The following PRDM16 variants were observed in gnomAD, a reference collection of about 807,000 sequenced individuals.
The protein encoded by PRDM16 is histone-lysine N-methyltransferase PRDM16.
A neutral mutation model predicts 110.6 loss-of-function variants in PRDM16; 23 were observed. The observed-to-expected ratio is 0.21, with a 90% CI of 0.15 to 0.29. PRDM16 has a LOEUF of 0.29. Among genes scored for constraint, PRDM16 ranks in the 10% least tolerant of loss-of-function variants. PRDM16 has a pLI of 1.00. For synonymous variants in PRDM16, 799 were observed against 781.8 expected (o/e 1.02, Z -0.37); for missense variants, 1,615 against 1,794.3 (o/e 0.90, Z 1.81).
chr1:3,140,610 C>T (rs1236316325), intron 1 of PRDM16, among the ~76,000 whole-genome samples: 4 of 152,216 alleles, frequency 2.6e-5, no homozygotes, highest in African/African-American at 4.8e-5. Flanking sequence ...TCTTTTGCAG[C>T]GATATTTTAC....
chr1:3,286,520 C>T (rs971831067), intron 3 of PRDM16, among the ~76,000 whole-genome samples: 5 of 152,140 alleles, frequency 3.3e-5, no homozygotes, highest in African/African-American at 1.2e-4. Flanking sequence ...ACCAACTGGA[C>T]CCAACCGAGC....
intron 3 of PRDM16, among the ~76,000 whole-genome samples, chr1:3,371,313 A>G (rs1213595157): frequency 2.0e-5 from 3 of 150,476 alleles, no homozygotes; most frequent in Non-Finnish European, 4.4e-5. Flanking sequence ...CCATCCATGC[A>G]TCCATTGAAT....
intron 2 of PRDM16, among the ~76,000 whole-genome samples, chr1:3,216,912 C>T (rs1639042727): frequency 6.6e-6 from 1 of 152,234 alleles, no homozygotes; most frequent in African/African-American, 2.4e-5. Flanking sequence ...GGCTCCTGGT[C>T]CCTCCCTGGG....
chr1:3,331,809 C>T (rs915766506), intron 3 of PRDM16, among the ~76,000 whole-genome samples: 2 of 152,186 alleles, frequency 1.3e-5, no homozygotes. Flanking sequence ...GCTCCCCGCT[C>T]GGGTGGAATG....
At chr1:3,200,583 C>T (rs527626471) in intron 2 of PRDM16, among the ~76,000 whole-genome samples, 1 of 152,340 alleles carries the variant, frequency 6.6e-6, no homozygotes, top group South Asian at 2.1e-4. Context: ...ACCCTGTGAT[C>T]TGCCCGCCTC....
chr1:3,427,215 G>A (rs1017167893), intron 14 of PRDM16, among the ~76,000 whole-genome samples: 2 of 152,214 alleles, frequency 1.3e-5, no homozygotes, highest in Non-Finnish European at 2.9e-5. Flanking sequence ...ACTTACTCTG[G>A]GGGAGCCTTC....
intron 2 of PRDM16, among the ~76,000 whole-genome samples, chr1:3,232,030 G>T (rs1455974117): frequency 6.6e-6 from 1 of 152,188 alleles, no homozygotes; most frequent in Non-Finnish European, 1.5e-5. Context: ...GTTTGGTGAC[G>T]CTCTGCCTCC....
intron 5 of PRDM16, among the ~76,000 whole-genome samples, chr1:3,399,649 T>C (rs374056587): frequency 1.3e-5 from 2 of 152,156 alleles, no homozygotes; most frequent in Admixed American, 1.3e-4. Flanking sequence ...TCCAAGGCCA[T>C]TGGAGTGAGA....
intron 14 of PRDM16, among the ~76,000 whole-genome samples, chr1:3,428,385 T>C (rs1259760873): frequency 1.3e-5 from 2 of 152,136 alleles, no homozygotes; most frequent in African/African-American, 4.8e-5. Context: ...GGCCTCCCCC[T>C]CGCCTATGGC....
Position 3,290,645 on chromosome 1 carries a change from G to A in PRDM16, c.438+46508G>A, listed in dbSNP as rs540873501. 5.3e-5 allele frequency among the ~76,000 whole-genome samples: 8 copies of A among 152,282 alleles called. No homozygotes were observed. The highest frequency in any genetic ancestry group is 1.3e-4 in the Admixed American group (2 of 15,304). On this transcript the variant is annotated intron_variant, in intron 3 of 16. Coordinates refer to ENST00000270722, the MANE Select transcript of PRDM16 (RefSeq NM_022114.4). The surrounding 1 kb of genome is among the most constrained non-coding windows in gnomAD (Gnocchi z 4.8). ...CAGGACGCAGTGGTGGGCCCAGGCC[G>A]GCCAGCGCTGGCTGAAGGAGCACTG...
At chr1:3,367,893 C>T (rs895993443) in intron 3 of PRDM16, among the ~76,000 whole-genome samples, 4 of 152,206 alleles carry the variant, frequency 2.6e-5, no homozygotes, top group Admixed American at 6.5e-5. Context: ...ATCAAACTAA[C>T]TCTTTGTACT....
rs962585140 is a variant in PRDM16 at position 3,148,861 on chromosome 1, G to T, written c.38-37264G>T. 6.6e-6 allele frequency among the ~76,000 whole-genome samples: 1 copy of T among 152,224 alleles called. No homozygotes were observed. Among genetic ancestry groups the T allele is most frequent in the Non-Finnish European group, 1.5e-5 (1 of 68,046 alleles). ...TTTGTTAATTTATTTTTAAGATTTAGTGTGTTGTGGGGGTTCATCGTTCCA... is the reference window on the plus strand; with the variant it reads ...TTTGTTAATTTATTTTTAAGATTTATTGTGTTGTGGGGGTTCATCGTTCCA... On this transcript the variant is annotated intron_variant, in intron 1 of 16. Transcript: ENST00000270722. The surrounding 1 kb of genome is among the most constrained non-coding windows in gnomAD (Gnocchi z 5.0).
chr1:3,336,019 C>T (rs754518848), intron 3 of PRDM16, among the ~76,000 whole-genome samples: 60 of 152,200 alleles, frequency 3.9e-4, no homozygotes, highest in Non-Finnish European at 7.3e-4. Flanking sequence ...GAGGCTGTGA[C>T]GTCTCGACAG....
intron 1 of PRDM16, among the ~76,000 whole-genome samples, chr1:3,121,517 A>G (rs550097523): frequency 2.0e-5 from 3 of 152,080 alleles, no homozygotes; most frequent in South Asian, 4.1e-4. Flanking sequence ...TTCTGTGGAG[A>G]CTCCGAACGT....
chr1:3,343,800 C>T (rs1230930165), intron 3 of PRDM16, among the ~76,000 whole-genome samples: 5 of 152,150 alleles, frequency 3.3e-5, no homozygotes, highest in Middle Eastern at 3.4e-3. Context: ...ACCACCATGC[C>T]GGGCTAATTT....
At chr1:3,426,515 G>A (rs1352486158) in intron 14 of PRDM16, among the ~76,000 whole-genome samples, 2 of 152,094 alleles carry the variant, frequency 1.3e-5, no homozygotes, top group Admixed American at 1.3e-4. Flanking sequence ...TGACCGAGCC[G>A]GGCACAAGTT....
chr1:3,299,674 T>TC (rs1261013970), intron 3 of PRDM16, among the ~76,000 whole-genome samples: 2 of 130,614 alleles, frequency 1.5e-5, no homozygotes, highest in Non-Finnish European at 3.2e-5. Context: ...CCGTGATGTT[T>TC]CCGATCCCAG....
intron 3 of PRDM16, among the ~76,000 whole-genome samples, chr1:3,320,880 G>A (rs914254893): frequency 6.6e-6 from 1 of 152,232 alleles, no homozygotes; most frequent in Non-Finnish European, 1.5e-5. Context: ...TCAGGTCCTG[G>A]GGAGGATGGT....
intron 1 of PRDM16, among the ~76,000 whole-genome samples, chr1:3,114,385 G>C (rs1285830375): frequency 3.4e-5 from 4 of 117,380 alleles, no homozygotes; most frequent in African/African-American, 1.4e-4. Context: ...GGTGTAAACA[G>C]ACGCGCACGC....
Sources: allele counts gnomAD v4.1 joint callset (sites outside exome capture counted in the v4.1 genomes callset), GRCh38; gene constraint gnomAD v4.1.1; non-coding constraint Gnocchi (gnomAD v3.1); transcripts MANE v1.5; gene names NCBI Gene and HGNC (gene_info 2026-07-23, HGNC 2026-07-21).